The following ABCC8 variants were observed in gnomAD, a reference collection of about 807,000 sequenced individuals.
The protein encoded by ABCC8 is ATP binding cassette subfamily C member 8, also known as ATP-binding cassette sub-family C member 8.
ABCC8 carries 137 observed loss-of-function variants against 188.0 expected under a neutral mutation model. The ratio of observed to expected loss-of-function variants is 0.73; its 90% CI spans 0.63 to 0.84. The LOEUF (loss-of-function observed/expected upper bound fraction) is 0.84, where lower values mean the gene tolerates loss of function less well. ABCC8 is among the 40% of genes least tolerant of loss of function. The pLI, the probability that ABCC8 is intolerant of heterozygous loss-of-function variation, is 0.00. For missense variants in ABCC8, 1,750 were observed against 2,072.7 expected (o/e 0.84, Z 3.02); for synonymous variants, 797 against 846.5 (o/e 0.94, Z 1.01).
Position 17,393,071 on chromosome 11 carries a change from T to C in ABCC8, c.4666A>G (p.Ile1556Val), listed in dbSNP as rs374895381. ...DLVIVLKRGA[I>V]LEFDKPEKLL... The stretch of plus-strand genomic sequence containing the variant: ...TTCTCTGGCTTATCGAACTCAAGGA[T>C]GGCACCCCGCTTCAGGACGATCACC... Residue 1556 changes from isoleucine to valine, a missense_variant, in exon 39 of 39, where the codon ATC (isoleucine) becomes GTC (valine). By Grantham distance (29) the Ile-to-Val change is conservative (BLOSUM62 3). Transcript: ENST00000389817. 1 of 1,613,332 alleles carries C rather than the reference T, an allele frequency of 6.2e-7. No homozygotes were observed. Among genetic ancestry groups the C allele is most frequent in the Middle Eastern group, 1.7e-4 (1 of 6,058 alleles).
chr11:17,429,026 C>T, intron 12 of ABCC8: 1 of 331,754 alleles, frequency 3.0e-6, no homozygotes, highest in South Asian at 3.6e-5. Context: ...GAATCAATAG[C>T]TAGTATTTTG....
At chr11:17,461,945 T>C (rs1165244460) in intron 4 of ABCC8, 120 bp from the exon 5 acceptor site, 1 of 1,495,416 alleles carries the variant, frequency 6.7e-7, no homozygotes, top group South Asian at 1.3e-5. Context: ...GATGGGGCCA[T>C]CTTTCGCCTG....
At chr11:17,454,645 T>C (rs1193096072) in intron 6 of ABCC8, among the ~76,000 whole-genome samples, 1 of 152,062 alleles carries the variant, frequency 6.6e-6, no homozygotes, top group African/African-American at 2.4e-5. Flanking sequence ...ACAATATTTA[T>C]CAGGTGCAAA....
At chr11:17,476,549 C>G (rs535123446) in intron 1 of ABCC8, 80 bp downstream of exon 1, 21 of 1,530,452 alleles carry the variant, frequency 1.4e-5, no homozygotes, top group Non-Finnish European at 1.8e-5. Flanking sequence ...AAGGGGACGC[C>G]GAGCGGTGCG....
chr11:17,408,531 A>G lies in ABCC8; in HGVS notation c.2695-14T>C. ...CATGGCAATGATCTGGAAAGGCAGC[A>G]ACAAACGTGGTTTGGGGGCTGGCTG... On this transcript the variant is annotated splice_polypyrimidine_tract_variant and intron_variant, in intron 22 of 38. Coordinates refer to ENST00000389817, the MANE Select transcript of ABCC8 (RefSeq NM_000352.6). 6.2e-7 allele frequency: 1 copy of G among 1,606,804 alleles called. No individual in the cohort carries two copies. The highest frequency in any genetic ancestry group is 8.5e-7 in the Non-Finnish European group (1 of 1,178,112).
intron 12 of ABCC8, 90 bp from the exon 13 acceptor site, chr11:17,428,760 A>G: frequency 6.4e-7 from 1 of 1,573,168 alleles, no homozygotes; most frequent in Non-Finnish European, 8.6e-7. Context: ...TCTGAGCAGG[A>G]TCTCAGGCCT....
At position 17,446,063 on chromosome 11, in the gene ABCC8, T is replaced by A. The variant is rs560286630; in HGVS notation, c.1332+2453A>T. ...TCACCACAGTCTCCGCCTCCTGGGC[T>A]CAAGCAATTCTCCTGTCTCAGCCTC... On this transcript the variant is annotated intron_variant, in intron 8 of 38. Coordinates refer to ENST00000389817, the MANE Select transcript of ABCC8 (RefSeq NM_000352.6). Among the ~76,000 whole-genome samples the A allele has an allele frequency of 7.8e-4, 118 of 150,922 alleles. 1 individual carries two copies. Among genetic ancestry groups the A allele is most frequent in the Middle Eastern group, 3.4e-3 (1 of 294 alleles).
intron 10 of ABCC8, 113 bp from the exon 11 acceptor site, chr11:17,432,357 C>G (rs1275142955): frequency 9.1e-6 from 14 of 1,544,274 alleles, no homozygotes; most frequent in Non-Finnish European, 1.2e-5. Flanking sequence ...CTGTGGGGCA[C>G]AGCTCCAGTA....
rs369865194 is a variant in ABCC8, at chr11:17,407,077, C to T, written c.2973G>A (p.Gln991=). 5 of 1,613,884 alleles carry T rather than the reference C, an allele frequency of 3.1e-6. No homozygotes were observed. The African/African-American group carries it at 4.0e-5, about 13-fold the overall frequency. Residue 991 remains glutamine (Q), a synonymous_variant, in exon 25 of 39, where the codon CAG becomes CAA. Coordinates refer to ENST00000389817, the MANE Select transcript of ABCC8 (RefSeq NM_000352.6). ...AGGCTCGCCATGGGATCTCAGCACGCTGGTGCAGCATGGACGACAGGTTGT... is the reference window on the plus strand; with the variant it reads ...AGGCTCGCCATGGGATCTCAGCACGTTGGTGCAGCATGGACGACAGGTTGT... ...EDDNLSSMLH[Q]RAEIPWRACA... is the part of the protein sequence containing the mutation.
intron 30 of ABCC8, 75 bp from the exon 31 acceptor site, chr11:17,397,872 C>T (rs752202118): frequency 8.3e-6 from 13 of 1,575,240 alleles, no homozygotes; most frequent in African/African-American, 5.4e-5. Flanking sequence ...CACTCCTTTT[C>T]GGGGCAGAGA....
intron 35 of ABCC8, 85 bp from the exon 36 acceptor site, chr11:17,395,360 G>T: frequency 6.5e-7 from 1 of 1,547,956 alleles, no homozygotes. Flanking sequence ...GTGAGCGAGA[G>T]CAGACTGAGT....
chr11:17,442,126 T>A (rs1439993047), intron 10 of ABCC8, among the ~76,000 whole-genome samples: 1 of 152,138 alleles, frequency 6.6e-6, no homozygotes, highest in African/African-American at 2.4e-5. Flanking sequence ...TGGTTTCAAG[T>A]ATATGGGACT....
chr11:17,405,465 G>C (rs201501833), intron 27 of ABCC8, 29 bp downstream of exon 27: 16 of 1,614,112 alleles, frequency 9.9e-6, no homozygotes, highest in East Asian at 6.7e-5. Flanking sequence ...TCTCTGGAAG[G>C]GGGGATAGTG....
intron 6 of ABCC8, among the ~76,000 whole-genome samples, chr11:17,457,586 A>G (rs1020715025): frequency 3.9e-5 from 6 of 152,170 alleles, no homozygotes; most frequent in African/African-American, 1.4e-4. Flanking sequence ...GAGGTGACAG[A>G]TTGGGAGTAG....
chr11:17,413,014 T>A, intron 20 of ABCC8: 1 of 684,004 alleles, frequency 1.5e-6, no homozygotes, highest in Non-Finnish European at 2.4e-6. Flanking sequence ...CAGCAGGGAT[T>A]AAAATCACAC....
At position 17,402,732 on chromosome 11, in the gene ABCC8, G is replaced by A. The variant is rs2133430587; in HGVS notation, c.3579C>T (p.Asp1193=). The change falls in exon 29 of 39, where the codon GAC becomes GAT. Residue 1193 remains aspartate, a synonymous_variant. Coordinates refer to ENST00000389817, the MANE Select transcript of ABCC8 (RefSeq NM_000352.6). The part of the protein sequence containing the change: ...VASRDLQQLD[D]TTQLPLLSHF... ...GTGAGAGAAGTGGAAGCTGGGTGGT[G>A]TCATCCAGCTGCTGCAGGTCCCTGT... 1 of 1,614,252 alleles carries A rather than the reference G, an allele frequency of 6.2e-7. No homozygotes were observed. The highest frequency in any genetic ancestry group is 8.5e-7 in the Non-Finnish European group (1 of 1,180,048).
At position 17,410,405 on chromosome 11, in the gene ABCC8, C is replaced by G; in HGVS notation, c.2694+111G>C. The G allele has an allele frequency of 9.6e-6, 12 of 1,244,210 alleles. No homozygotes were observed. In the South Asian group the frequency reaches 1.5e-4, roughly 16 times the overall value. 77.1% of individuals were successfully genotyped at this position (1,244,210 alleles called of 1,614,324 possible). A position where few individuals can be genotyped will look rare whatever the true frequency, so the allele number is the denominator to read the frequency against. On this transcript the variant is annotated intron_variant, in intron 22 of 38. Transcript: ENST00000389817. ...AGCCATCCAGTGCTGGTCTCTTATG[C>G]TTTGTGGCCCTCAGCAGTTGCTACC...
chr11:17,424,460 G>A (rs1245351139), intron 16 of ABCC8, among the ~76,000 whole-genome samples: 1 of 152,208 alleles, frequency 6.6e-6, no homozygotes, highest in Non-Finnish European at 1.5e-5. Flanking sequence ...ACAGCTTGGA[G>A]AAGAGGTGGG....
Position 17,428,297 on chromosome 11 carries a change from A to G in ABCC8, c.2032T>C (p.Cys678Arg). 3 of 1,614,150 alleles carry G rather than the reference A, an allele frequency of 1.9e-6. No individual in the cohort carries two copies. Among genetic ancestry groups the G allele is most frequent in the Non-Finnish European group, 2.5e-6 (3 of 1,180,040 alleles). The change falls in exon 14 of 39, where the codon TGT becomes CGT. Residue 678 changes from cysteine to arginine, a missense_variant. Coordinates refer to ENST00000389817, the MANE Select transcript of ABCC8 (RefSeq NM_000352.6). ...GGGGCAGCAGGACTCACCTGGACAC[A>G]GCAGTTGTCAGCATCGCCATCTGCA... ...PSADGDADNC[C>R]VQIMGGYFTW...
Sources: allele counts gnomAD v4.1 joint callset (sites outside exome capture counted in the v4.1 genomes callset), GRCh38; gene constraint gnomAD v4.1.1; transcripts MANE v1.5; gene names NCBI Gene and HGNC (gene_info 2026-07-23, HGNC 2026-07-21).